The following VAC14 variants were observed in gnomAD, a reference collection of about 807,000 sequenced individuals.
VAC14 encodes VAC14 component of PIKFYVE complex.
A neutral mutation model predicts 85.3 loss-of-function variants in VAC14; 47 were observed. The observed-to-expected ratio is 0.55, with a 90% confidence interval of 0.44 to 0.70. The LOEUF (loss-of-function observed/expected upper bound fraction) is 0.70, where lower values mean the gene tolerates loss of function less well. Among genes scored for constraint, VAC14 ranks in the 30% least tolerant of loss-of-function variants. The probability of loss-of-function intolerance (pLI) is 0.00; values close to 1 mark genes in which losing one functional copy is unlikely to be tolerated. For synonymous variants in VAC14, 447 were observed against 430.5 expected (o/e 1.04, Z -0.47); for missense variants, 861 against 1,004.3 (o/e 0.86, Z 1.93).
chr16:70,740,621 A>G (rs1055526059), intron 13 of VAC14, among the ~76,000 whole-genome samples: 2 of 152,076 alleles, frequency 1.3e-5, no homozygotes, highest in Admixed American at 1.3e-4. Flanking sequence ...CCCTGAGTGG[A>G]GACAGGAAAT....
intron 14 of VAC14, among the ~76,000 whole-genome samples, chr16:70,705,571 C>G (rs2053905120): frequency 6.6e-6 from 1 of 152,246 alleles, no homozygotes; most frequent in Non-Finnish European, 1.5e-5. Flanking sequence ...GCGTGGAAAA[C>G]AGCTGGCCTG....
intron 14 of VAC14, among the ~76,000 whole-genome samples, chr16:70,727,564 T>C (rs1177996154): frequency 2.0e-5 from 3 of 152,198 alleles, no homozygotes; most frequent in African/African-American, 7.2e-5. Context: ...GGTCTTGAAC[T>C]CCTGACCTCG....
intron 14 of VAC14, among the ~76,000 whole-genome samples, chr16:70,718,446 C>A (rs1354834149): frequency 2.0e-5 from 3 of 151,828 alleles, no homozygotes; most frequent in Non-Finnish European, 4.4e-5. Context: ...GTCGTGGGCG[C>A]CTGTAGTCCC....
Position 70,761,189 on chromosome 16 carries a change from G to A in VAC14, c.1371+1351C>T, listed in dbSNP as rs966797752. On this transcript the variant is annotated intron_variant, in intron 12 of 18. Coordinates refer to ENST00000261776, the MANE Select transcript of VAC14 (RefSeq NM_018052.5). ...GAAAGCAAATTCAGGCTGCAGGACAGCTGCCCGGGCCCCCCACAAGCCTGG... is the reference window on the plus strand; with the variant it reads ...GAAAGCAAATTCAGGCTGCAGGACAACTGCCCGGGCCCCCCACAAGCCTGG... 3.5e-5 allele frequency: 16 copies of A among 455,816 alleles called. No homozygotes were observed. In the Admixed American group the frequency reaches 3.8e-4, roughly 11 times the overall value. The allele number at this position is 455,816 out of a possible 1,614,324, so 28.2% of individuals were successfully genotyped here.
At chr16:70,757,942 A>G (rs76579914) in intron 12 of VAC14, among the ~76,000 whole-genome samples, 2,846 of 152,340 alleles carry the variant, frequency 0.019, 87 homozygotes, top group African/African-American at 0.063. Flanking sequence ...GCAGAGCCCA[A>G]GGTGGACTCC....
chr16:70,701,737 C>T (rs2053832170), intron 14 of VAC14, among the ~76,000 whole-genome samples: 1 of 152,232 alleles, frequency 6.6e-6, no homozygotes, highest in South Asian at 2.1e-4. Flanking sequence ...GAAACAAACC[C>T]AGCCCCTCAC....
At chr16:70,793,903 C>T (rs2034437414) in intron 1 of VAC14, among the ~76,000 whole-genome samples, 1 of 152,186 alleles carries the variant, frequency 6.6e-6, no homozygotes, top group South Asian at 2.1e-4. Context: ...TGGGCACCCA[C>T]CAACCAACCT....
intron 3 of VAC14, 86 bp from the exon 4 acceptor site, chr16:70,784,924 C>T (rs887141703): frequency 1.3e-5 from 16 of 1,221,732 alleles, no homozygotes; most frequent in African/African-American, 4.4e-5. Flanking sequence ...AATCCGCAGC[C>T]GAGGCCTTGG....
At chr16:70,788,498 T>C (rs868605659) in intron 1 of VAC14, among the ~76,000 whole-genome samples, 1 of 152,238 alleles carries the variant, frequency 6.6e-6, no homozygotes, top group Non-Finnish European at 1.5e-5. Flanking sequence ...GGATAGAATG[T>C]GAACTCCAGT....
intron 12 of VAC14, among the ~76,000 whole-genome samples, chr16:70,761,499 C>T (rs7188712): frequency 0.17 from 25,379 of 152,220 alleles, 2,922 homozygotes; most frequent in African/African-American, 0.33. Flanking sequence ...GCAATGGGCA[C>T]GCGCAGCTGC....
chr16:70,722,077 T>C (rs1220321942), intron 14 of VAC14, among the ~76,000 whole-genome samples: 1 of 152,134 alleles, frequency 6.6e-6, no homozygotes, highest in Non-Finnish European at 1.5e-5. Flanking sequence ...CAGGTGCCTT[T>C]AAAAGATGGA....
intron 14 of VAC14, among the ~76,000 whole-genome samples, chr16:70,706,006 C>T (rs12598844): frequency 0.12 from 18,127 of 152,180 alleles, 1,345 homozygotes; most frequent in Admixed American, 0.24. Flanking sequence ...ACCCCAAGAA[C>T]CCTATCGGGT....
At chr16:70,715,559 G>A (rs1551527) in intron 14 of VAC14, 96,973 of 152,264 alleles carry the variant, frequency 0.64, 31,936 homozygotes, top group Non-Finnish European at 0.69. Context: ...ATCTACCCTT[G>A]CAGGGAGGGG....
intron 8 of VAC14, among the ~76,000 whole-genome samples, chr16:70,781,484 T>C (rs2033806883): frequency 6.6e-6 from 1 of 152,232 alleles, no homozygotes; most frequent in Non-Finnish European, 1.5e-5. Flanking sequence ...CTGTCCGAAC[T>C]GAGCCCCTGC....
intron 14 of VAC14, among the ~76,000 whole-genome samples, chr16:70,718,355 G>A (rs964728123): frequency 2.6e-5 from 4 of 152,050 alleles, no homozygotes; most frequent in African/African-American, 4.8e-5. Flanking sequence ...GGCGGATCAC[G>A]GGGTCAGGAG....
intron 14 of VAC14, among the ~76,000 whole-genome samples, chr16:70,703,063 T>A (rs2053859355): frequency 6.6e-6 from 1 of 152,214 alleles, no homozygotes; most frequent in Non-Finnish European, 1.5e-5. Flanking sequence ...GCTTCCCCAG[T>A]GCCTGCTGTG....
intron 9 of VAC14, chr16:70,772,832 T>C (rs1479411577): frequency 6.6e-6 from 1 of 152,164 alleles, no homozygotes; most frequent in Non-Finnish European, 1.5e-5. Context: ...AACCCAAATA[T>C]CTATCAACAG....
intron 1 of VAC14, among the ~76,000 whole-genome samples, chr16:70,790,995 G>A (rs1421420382): frequency 6.6e-6 from 1 of 152,220 alleles, no homozygotes; most frequent in Non-Finnish European, 1.5e-5. Flanking sequence ...CCACCGGCAG[G>A]AAGAATCTGT....
In VAC14 at chr16:70,785,687, G is replaced by A. The variant is rs1217160210; in HGVS notation, c.423+15C>T. Reference sequence around the variant, plus strand: ...CCAAGCGCAGCTCAGTGAGGAGGAGGAGGAGGGCGGTTACCTTGCTCAGCC... The same window carrying A: ...CCAAGCGCAGCTCAGTGAGGAGGAGAAGGAGGGCGGTTACCTTGCTCAGCC... On this transcript the variant is annotated intron_variant, in intron 3 of 18. Coordinates refer to ENST00000261776, the MANE Select transcript of VAC14 (RefSeq NM_018052.5). The A allele has an allele frequency of 7.1e-6, 11 of 1,547,214 alleles. No individual in the cohort carries two copies. In the East Asian group the frequency reaches 7.2e-5, roughly 10 times the overall value.
Sources: gnomAD v4.1 joint callset for allele counts (sites outside exome capture counted in the v4.1 genomes callset) on GRCh38, gnomAD v4.1.1 for gene constraint, MANE v1.5 for transcripts, NCBI Gene and HGNC (gene_info 2026-07-23, HGNC 2026-07-21) for gene names.